ESRRB: variants seen among roughly 807,000 people sequenced by gnomAD.
The protein encoded by ESRRB is steroid hormone receptor ERR2.
In ESRRB, 16 loss-of-function variants were observed where a neutral mutation model predicts 46.0. The ratio of observed to expected loss-of-function variants is 0.35; its 90% CI spans 0.24 to 0.53. The LOEUF (loss-of-function observed/expected upper bound fraction) is 0.53. Ranked by LOEUF, ESRRB falls within the 20% of genes least tolerant of loss-of-function variation. The pLI, the probability that ESRRB is intolerant of heterozygous loss-of-function variation, is 0.93. For missense variants in ESRRB, 488 were observed against 607.4 expected, an observed-to-expected ratio of 0.80 and a Z score of 2.07; for synonymous variants, 246 against 259.6, an observed-to-expected ratio of 0.95 and a Z score of 0.50.
At chr14:76,413,971 CCGCCCCTGCACCGTCCG>C (rs1886563047) in intron 1 of ESRRB, among the ~76,000 whole-genome samples, 1 of 70,882 alleles carries the variant, frequency 1.4e-5, no homozygotes, top group African/African-American at 6.5e-5. Flanking sequence ...TGCACCGTCC[CCGCCCCTGCACCGTCCG>C]CCGCCCCTGC....
chr14:76,372,058 T>G (rs1343678289), upstream of ESRRB, among the ~76,000 whole-genome samples: 1 of 151,938 alleles, frequency 6.6e-6, no homozygotes, highest in Non-Finnish European at 1.5e-5. Context: ...CTGGCAAGAG[T>G]TGCTGTGCTG....
chr14:76,434,675 A>G (rs1887598184), intron 1 of ESRRB, among the ~76,000 whole-genome samples: 1 of 151,712 alleles, frequency 6.6e-6, no homozygotes, highest in African/African-American at 2.4e-5. Context: ...AAAAAAAGAA[A>G]AGAAAAAAGA....
intron 1 of ESRRB, among the ~76,000 whole-genome samples, chr14:76,391,589 C>T (rs1432350592): frequency 1.3e-5 from 2 of 152,222 alleles, no homozygotes; most frequent in African/African-American, 4.8e-5. Context: ...AGAGTGAAGC[C>T]CTTCCTTCCC....
intron 1 of ESRRB, among the ~76,000 whole-genome samples, chr14:76,431,465 C>T (rs1077428): frequency 0.24 from 37,126 of 152,100 alleles, 4,642 homozygotes; most frequent in Admixed American, 0.29. Flanking sequence ...GCTTTGTAAT[C>T]CAGCAGAGCA....
chr14:76,473,197 A>G (rs561523629), intron 3 of ESRRB, among the ~76,000 whole-genome samples: 1 of 152,340 alleles, frequency 6.6e-6, no homozygotes, highest in African/African-American at 2.4e-5. Flanking sequence ...CTTGCATGGA[A>G]CTAATCATAA....
chr14:76,419,626 G>A (rs1379648152), intron 1 of ESRRB, among the ~76,000 whole-genome samples: 1 of 152,198 alleles, frequency 6.6e-6, no homozygotes, highest in Non-Finnish European at 1.5e-5. Context: ...GCTGTGAAAT[G>A]CCAGAGTGAG....
chr14:76,426,270 G>T (rs1200714227), intron 1 of ESRRB, among the ~76,000 whole-genome samples: 17 of 152,172 alleles, frequency 1.1e-4, no homozygotes, highest in Non-Finnish European at 4.4e-5. Context: ...GTGGAGTGGG[G>T]AAGGAGGGCA....
chr14:76,458,870 A>G (rs1888734187), intron 2 of ESRRB, among the ~76,000 whole-genome samples: 3 of 133,786 alleles, frequency 2.2e-5, no homozygotes, highest in African/African-American at 2.9e-5. Context: ...TTTGAGACAG[A>G]GTCTCGCTCT....
intron 1 of ESRRB, among the ~76,000 whole-genome samples, chr14:76,342,616 C>T (rs1021999291): frequency 2.0e-5 from 3 of 152,206 alleles, no homozygotes; most frequent in Admixed American, 2.0e-4. Flanking sequence ...AGGTTATAGG[C>T]TATGGAGCCA....
rs767464482 is a variant in ESRRB at position 76,498,916 on chromosome 14, C to G, written c.*458C>G. 1.9e-6 allele frequency: 1 copy of G among 520,872 alleles called. No homozygotes were observed. Among genetic ancestry groups the G allele is most frequent in the East Asian group, 5.5e-5 (1 of 18,176 alleles). 32.3% of individuals were successfully genotyped at this position (520,872 alleles called of 1,614,324 possible). The stretch of plus-strand genomic sequence containing the variant: ...GTTTTCCTTCCGCAGAGGGCAGGTA[C>G]GCAAGGGACAACAGTATCTTTCTTC... On this transcript the variant is annotated 3_prime_UTR_variant, in exon 7 of 7. Transcript: ENST00000644823.
intron 1 of ESRRB, among the ~76,000 whole-genome samples, chr14:76,396,799 A>G (rs2139830555): frequency 6.6e-6 from 1 of 152,330 alleles, no homozygotes; most frequent in Admixed American, 6.5e-5. Context: ...TCCCGGAGCC[A>G]GCGCTGGCGG....
chr14:76,315,768 C>T (rs536468152), intron 1 of ESRRB, among the ~76,000 whole-genome samples: 18 of 150,952 alleles, frequency 1.2e-4, no homozygotes, highest in Admixed American at 1.2e-3. Flanking sequence ...CATGCAGCTT[C>T]ATCCTCCAGT....
chr14:76,498,592 C>G lies in ESRRB; in HGVS notation c.*134C>G. ...TGAGCTGTCCCAGAGGCGGGGGTTTCTCACCTCCTGGCTGTGTGCAGACTC... is the reference window on the plus strand; with the variant it reads ...TGAGCTGTCCCAGAGGCGGGGGTTTGTCACCTCCTGGCTGTGTGCAGACTC... On this transcript the variant is annotated 3_prime_UTR_variant, in exon 7 of 7. Transcript: ENST00000644823. 6.8e-7 allele frequency: 1 copy of G among 1,462,230 alleles called. No homozygotes were observed. Among genetic ancestry groups the G allele is most frequent in the Admixed American group, 2.0e-5 (1 of 49,154 alleles). The allele number at this position is 1,462,230 out of a possible 1,614,324, so 90.6% of individuals were successfully genotyped here. A position where few individuals can be genotyped will look rare whatever the true frequency, so the allele number is the denominator to read the frequency against.
intron 2 of ESRRB, among the ~76,000 whole-genome samples, chr14:76,448,859 C>T (rs146014419): frequency 3.6e-4 from 54 of 150,100 alleles, no homozygotes; most frequent in African/African-American, 1.3e-3. Context: ...TATTTAGTTA[C>T]GCTTGTATAT....
intron 2 of ESRRB, among the ~76,000 whole-genome samples, chr14:76,457,703 G>A (rs1027061950): frequency 1.3e-5 from 2 of 151,964 alleles, no homozygotes; most frequent in African/African-American, 2.4e-5. Flanking sequence ...TTTTTGAGAC[G>A]GAATCTTGCT....
At chr14:76,447,898 C>A (rs1343856854) in intron 2 of ESRRB, among the ~76,000 whole-genome samples, 1 of 152,198 alleles carries the variant, frequency 6.6e-6, no homozygotes, top group African/African-American at 2.4e-5. Flanking sequence ...AGCCTGAACA[C>A]ACATCTGACC....
At chr14:76,451,349 C>T (rs1419430109) in intron 2 of ESRRB, among the ~76,000 whole-genome samples, 2 of 152,184 alleles carry the variant, frequency 1.3e-5, no homozygotes, top group Non-Finnish European at 2.9e-5. Context: ...ATGTCCGTAT[C>T]AGTAAAATGT....
chr14:76,480,179 G>A (rs1267160079), intron 3 of ESRRB, among the ~76,000 whole-genome samples: 2 of 152,162 alleles, frequency 1.3e-5, no homozygotes, highest in East Asian at 1.9e-4. Context: ...CCTTTAAACA[G>A]GAAGCCTGGG....
chr14:76,478,496 G>A (rs1889671657), intron 3 of ESRRB, among the ~76,000 whole-genome samples: 1 of 152,104 alleles, frequency 6.6e-6, no homozygotes, highest in African/African-American at 2.4e-5. Context: ...CCGGGAAGCA[G>A]GCTGGATGGG....
Sources: allele counts gnomAD v4.1 joint callset (sites outside exome capture counted in the v4.1 genomes callset), GRCh38; gene constraint gnomAD v4.1.1; transcripts MANE v1.5; gene names NCBI Gene and HGNC (gene_info 2026-07-23, HGNC 2026-07-21).